The following CSMD2 variants were observed in gnomAD, a reference collection of about 807,000 sequenced individuals.
The protein encoded by CSMD2 is CUB and Sushi multiple domains 2, also known as CUB and sushi domain-containing protein 2.
Under a neutral mutation model 398.5 loss-of-function variants are expected in CSMD2, and 130 were observed. The ratio of observed to expected loss-of-function variants is 0.33; its 90% CI spans 0.28 to 0.38. The LOEUF (loss-of-function observed/expected upper bound fraction) is 0.38, where lower values mean the gene tolerates loss of function less well. CSMD2 is among the 10% of genes least tolerant of loss of function. The pLI is 1.00. For synonymous variants in CSMD2, 1,828 were observed against 1,908.5 expected, an observed-to-expected ratio of 0.96 and a Z score of 1.10; for missense variants, 3,829 against 4,764.9, an observed-to-expected ratio of 0.80 and a Z score of 5.78.
intron 20 of CSMD2, among the ~76,000 whole-genome samples, chr1:33,715,732 T>C (rs1646144853): frequency 6.6e-6 from 1 of 152,082 alleles, no homozygotes; most frequent in Non-Finnish European, 1.5e-5. Context: ...ACAAGAATGG[T>C]GAAGGGCTCG....
chr1:33,532,914 A>G (rs964610114), intron 64 of CSMD2, 136 bp downstream of exon 64: 1 of 885,484 alleles, frequency 1.1e-6, no homozygotes, highest in African/African-American at 1.7e-5. Flanking sequence ...TAGACTCAAA[A>G]CCTTAGAAAA....
In CSMD2 at chr1:34,163,427, C is replaced by A. The variant is rs1014541502; in HGVS notation, c.187+1484G>T. ...TCAGCTAGGAATGAGAGAGCCAGAG[C>A]TGGCTCGGGGCGCCCTCCCTGACCA... On this transcript the variant is annotated intron_variant, in intron 1 of 70. Coordinates refer to ENST00000373381, the MANE Select transcript of CSMD2 (RefSeq NM_001281956.2). The surrounding 1 kb of genome is among the most constrained non-coding windows in gnomAD (Gnocchi z 5.4). Among the ~76,000 whole-genome samples the A allele has an allele frequency of 2.0e-5, 3 of 152,206 alleles. No individual in the cohort carries two copies. Among genetic ancestry groups the A allele is most frequent in the Non-Finnish European group, 2.9e-5 (2 of 68,048 alleles).
At chr1:33,852,650 C>G (rs1638797257) in intron 5 of CSMD2, among the ~76,000 whole-genome samples, 1 of 152,244 alleles carries the variant, frequency 6.6e-6, no homozygotes, top group Non-Finnish European at 1.5e-5. Flanking sequence ...AAATTGTACT[C>G]ATCTTTTGAG....
At chr1:33,801,634 G>A (rs1234287528) in intron 10 of CSMD2, among the ~76,000 whole-genome samples, 2 of 152,208 alleles carry the variant, frequency 1.3e-5, no homozygotes, top group Non-Finnish European at 2.9e-5. Context: ...AGCTATGGGG[G>A]AAATAGATTC....
At chr1:33,549,832 C>A (rs902206074) in intron 56 of CSMD2, among the ~76,000 whole-genome samples, 6 of 152,124 alleles carry the variant, frequency 3.9e-5, no homozygotes, top group Non-Finnish European at 7.3e-5. Context: ...TGGACCTGAG[C>A]TGATCAACAG....
chr1:33,550,146 GGA>G (rs1570699932), intron 56 of CSMD2, 29 bp downstream of exon 56: 1 of 1,599,992 alleles, frequency 6.3e-7, no homozygotes, highest in Non-Finnish European at 8.5e-7. Flanking sequence ...GCATTCCACT[GGA>G]GCTCTTTCCT....
At chr1:33,739,077 T>C in intron 15 of CSMD2, 63 bp downstream of exon 15, 1 of 1,517,942 alleles carries the variant, frequency 6.6e-7, no homozygotes, top group Non-Finnish European at 8.9e-7. Flanking sequence ...CTGGGCTGCT[T>C]GCTCCCCCTC....
At chr1:33,780,424 C>T (rs892877154) in intron 12 of CSMD2, among the ~76,000 whole-genome samples, 1 of 152,118 alleles carries the variant, frequency 6.6e-6, no homozygotes, top group African/African-American at 2.4e-5. Flanking sequence ...CACACGATTG[C>T]CACAAGTGGA....
At chr1:33,520,678 G>C (rs1362192095) in intron 68 of CSMD2, among the ~76,000 whole-genome samples, 4 of 152,228 alleles carry the variant, frequency 2.6e-5, no homozygotes, top group Admixed American at 1.3e-4. Context: ...GGTGGGAAAG[G>C]GTGGGAGCAG....
intron 5 of CSMD2, among the ~76,000 whole-genome samples, chr1:33,858,217 A>G (rs916972688): frequency 2.6e-5 from 4 of 152,214 alleles, no homozygotes; most frequent in Non-Finnish European, 4.4e-5. Flanking sequence ...CTGGACTTAG[A>G]ACATCCCATG....
At chr1:33,720,385 GA>G (rs1646319997) in intron 19 of CSMD2, among the ~76,000 whole-genome samples, 1 of 152,190 alleles carries the variant, frequency 6.6e-6, no homozygotes, top group African/African-American at 2.4e-5. Flanking sequence ...GCCCAGGGGA[GA>G]AGAGCCCAAC....
intron 1 of CSMD2, among the ~76,000 whole-genome samples, chr1:34,140,507 G>A (rs1162686359): frequency 6.6e-6 from 1 of 152,126 alleles, no homozygotes; most frequent in Non-Finnish European, 1.5e-5. Flanking sequence ...ATCCCACTGT[G>A]TTTAGCAGGT....
chr1:33,759,420 G>C (rs1381367229), intron 13 of CSMD2, among the ~76,000 whole-genome samples: 1 of 149,526 alleles, frequency 6.7e-6, no homozygotes, highest in African/African-American at 2.5e-5. Flanking sequence ...CTGCCTCCCG[G>C]GTTCACGCCA....
At position 33,601,111 on chromosome 1, in the gene CSMD2, C is replaced by T; in HGVS notation, c.6711-101G>A. ...CTTAAGACAGACCTGGAGTGGGAGG[C>T]TATGATTCTTTTTGTACCAACACTT... On this transcript the variant is annotated intron_variant, in intron 43 of 70. Coordinates refer to ENST00000373381, the MANE Select transcript of CSMD2 (RefSeq NM_001281956.2). 1.5e-5 allele frequency: 22 copies of T among 1,476,344 alleles called. No individual in the cohort carries two copies. The South Asian group carries it at 2.7e-4, about 18-fold the overall frequency. The allele number at this position is 1,476,344 out of a possible 1,614,324, so 91.5% of individuals were successfully genotyped here. A position where few individuals can be genotyped will look rare whatever the true frequency, so the allele number is the denominator to read the frequency against.
chr1:33,984,868 C>A (rs931850180), intron 3 of CSMD2, among the ~76,000 whole-genome samples: 3 of 144,106 alleles, frequency 2.1e-5, no homozygotes, highest in South Asian at 2.1e-4. Flanking sequence ...GGAAGGCAGG[C>A]AGGCAGGCAG....
At chr1:33,764,903 G>A (rs1650294823) in intron 13 of CSMD2, among the ~76,000 whole-genome samples, 1 of 152,212 alleles carries the variant, frequency 6.6e-6, no homozygotes, top group Non-Finnish European at 1.5e-5. Context: ...TAGAGGGGAG[G>A]GAAAATAGAG....
At chr1:34,052,090 C>T (rs1398429956) in intron 2 of CSMD2, among the ~76,000 whole-genome samples, 1 of 151,808 alleles carries the variant, frequency 6.6e-6, no homozygotes, top group Admixed American at 6.6e-5. Flanking sequence ...ATCAGCTTTC[C>T]TGGGTCTCCA....
intron 2 of CSMD2, among the ~76,000 whole-genome samples, chr1:34,066,097 A>G (rs1655075863): frequency 6.6e-6 from 1 of 152,176 alleles, no homozygotes; most frequent in African/African-American, 2.4e-5. Flanking sequence ...TATGGGGCTA[A>G]TGATAATACA....
chr1:33,810,637 A>C (rs1293543932), intron 10 of CSMD2, 106 bp downstream of exon 10: 4 of 1,130,374 alleles, frequency 3.5e-6, no homozygotes, highest in Non-Finnish European at 3.8e-6. Context: ...AACTGTCTGC[A>C]GAGAATCTAC....
Sources: gnomAD v4.1 joint callset for allele counts (sites outside exome capture counted in the v4.1 genomes callset) on GRCh38, gnomAD v4.1.1 for gene constraint, Gnocchi (gnomAD v3.1) non-coding constraint, MANE v1.5 for transcripts, NCBI Gene and HGNC (gene_info 2026-07-23, HGNC 2026-07-21) for gene names.